The following SLC10A7 variants were observed in gnomAD, a reference collection of about 807,000 sequenced individuals.
SLC10A7 encodes sodium/bile acid cotransporter 7.
In SLC10A7, 29 loss-of-function variants were observed where a neutral mutation model predicts 43.2. That is an observed-to-expected ratio of 0.67 (90% CI 0.50 to 0.92). The LOEUF (loss-of-function observed/expected upper bound fraction) is 0.92, where lower values mean the gene tolerates loss of function less well. Among genes scored for constraint, SLC10A7 ranks in the 40% least tolerant of loss-of-function variants. The pLI is 0.00. For missense variants in SLC10A7, 295 were observed against 403.2 expected (o/e 0.73, Z 2.30); for synonymous variants, 152 against 144.8 (o/e 1.05, Z -0.35).
rs895021286 is a variant in SLC10A7 at position 146,430,293 on chromosome 4, T to C, written c.435+12490A>G. Among the ~76,000 whole-genome samples the C allele has an allele frequency of 2.0e-5, 3 of 152,226 alleles. No homozygotes were observed. The South Asian group carries it at 6.2e-4, about 32-fold the overall frequency. The stretch of plus-strand genomic sequence containing the variant: ...GATAGTGGGTAATTAAGAGCCACTA[T>C]AGACATTAGGGCATAGGAGTGACAC... On this transcript the variant is annotated intron_variant, in intron 5 of 11. Transcript: ENST00000335472.
chr4:146,367,003 T>C (rs1736436631), intron 5 of SLC10A7, among the ~76,000 whole-genome samples: 1 of 150,514 alleles, frequency 6.6e-6, no homozygotes, highest in Non-Finnish European at 1.5e-5. Flanking sequence ...TTTTTTGTTT[T>C]TTTGTTTTTT....
chr4:146,304,938 G>C (rs1731443255), intron 7 of SLC10A7, among the ~76,000 whole-genome samples: 1 of 151,964 alleles, frequency 6.6e-6, no homozygotes, highest in South Asian at 2.1e-4. Flanking sequence ...GTGCTCCTGT[G>C]TTGGGTGCAT....
intron 5 of SLC10A7, among the ~76,000 whole-genome samples, chr4:146,374,750 A>G (rs1293190050): frequency 1.3e-5 from 2 of 152,084 alleles, no homozygotes; most frequent in Non-Finnish European, 2.9e-5. Flanking sequence ...CATTACTTCA[A>G]TACGTGAAAT....
At chr4:146,367,732 T>TGGAC in intron 5 of SLC10A7, among the ~76,000 whole-genome samples, 1 of 152,328 alleles carries the variant, frequency 6.6e-6, no homozygotes, top group African/African-American at 2.4e-5. Context: ...AACTCATTGC[T>TGGAC]TTATCCAACA....
chr4:146,362,017 C>T (rs1173038040), intron 5 of SLC10A7, among the ~76,000 whole-genome samples: 13 of 151,578 alleles, frequency 8.6e-5, no homozygotes, highest in Admixed American at 8.5e-4. Context: ...AGCTTGAAGA[C>T]AGGTATATAA....
chr4:146,298,418 T>A (rs1460006124), intron 7 of SLC10A7, among the ~76,000 whole-genome samples: 1 of 152,160 alleles, frequency 6.6e-6, no homozygotes, highest in Non-Finnish European at 1.5e-5. Flanking sequence ...AACACTAACT[T>A]CAACTTTAAT....
rs1354844826 is a variant in SLC10A7 at position 146,449,685 on chromosome 4, C to CAA, written c.397-6865_397-6864insTT. Among the ~76,000 whole-genome samples, 219 of 152,204 alleles carry CAA rather than the reference C, an allele frequency of 1.4e-3. 3 individuals carry two copies. The highest frequency in any genetic ancestry group is 0.011 in the Admixed American group (173 of 15,286). Reference sequence around the variant, plus strand: ...ACACAAACCACCACCACCACCACCACCACAACAACAACAACAAAAACAGTG... The same window carrying CAA: ...ACACAAACCACCACCACCACCACCACAACACAACAACAACAACAAAAACAGTG... On this transcript the variant is annotated intron_variant, in intron 4 of 11. Coordinates refer to ENST00000335472, the MANE Select transcript of SLC10A7 (RefSeq NM_001029998.6).
At chr4:146,289,777 G>A (rs1320147748) in intron 9 of SLC10A7, among the ~76,000 whole-genome samples, 2 of 142,000 alleles carry the variant, frequency 1.4e-5, no homozygotes, top group South Asian at 2.3e-4. Flanking sequence ...GTGCAGTGGC[G>A]TGATCTCAGC....
intron 4 of SLC10A7, among the ~76,000 whole-genome samples, chr4:146,488,507 A>T (rs1354127717): frequency 6.6e-6 from 1 of 152,212 alleles, no homozygotes; most frequent in Non-Finnish European, 1.5e-5. Flanking sequence ...GGGAAAAAAA[A>T]TGACTAAAAG....
intron 5 of SLC10A7, among the ~76,000 whole-genome samples, chr4:146,378,028 T>C (rs1737329841): frequency 6.6e-6 from 1 of 152,216 alleles, no homozygotes; most frequent in South Asian, 2.1e-4. Context: ...GCACTACTCA[T>C]GCTGTCTCTA....
chr4:146,408,362 C>G lies in SLC10A7; in HGVS notation c.435+34421G>C, dbSNP rs894628816. ...CAGGAGTTTGAGACCACCCTGGGGG[C>G]AACATGGTGAAACTCTGTCTCTACT... On this transcript the variant is annotated intron_variant, in intron 5 of 11. Coordinates refer to ENST00000335472, the MANE Select transcript of SLC10A7 (RefSeq NM_001029998.6). 2.6e-5 allele frequency among the ~76,000 whole-genome samples: 4 copies of G among 151,972 alleles called. No homozygotes were observed. The South Asian group carries it at 8.3e-4, about 32-fold the overall frequency.
At chr4:146,492,042 C>A (rs1025523752) in intron 4 of SLC10A7, among the ~76,000 whole-genome samples, 3 of 151,918 alleles carry the variant, frequency 2.0e-5, no homozygotes, top group African/African-American at 7.3e-5. Flanking sequence ...ATGGTGAAAC[C>A]CCATTTCTAC....
At chr4:146,360,949 G>T (rs754731010) in intron 5 of SLC10A7, among the ~76,000 whole-genome samples, 1 of 151,894 alleles carries the variant, frequency 6.6e-6, no homozygotes, top group Non-Finnish European at 1.5e-5. Flanking sequence ...TTATTCTCTG[G>T]GCTGGGCCTC....
intron 10 of SLC10A7, among the ~76,000 whole-genome samples, chr4:146,273,049 T>A (rs1330165059): frequency 3.3e-5 from 5 of 152,260 alleles, no homozygotes; most frequent in Non-Finnish European, 5.9e-5. Flanking sequence ...TTTAGAGCCA[T>A]CTCTATTATA....
chr4:146,321,883 T>C (rs1373932074), intron 6 of SLC10A7, among the ~76,000 whole-genome samples: 1 of 152,192 alleles, frequency 6.6e-6, no homozygotes, highest in East Asian at 1.9e-4. Context: ...ATAAAATGCA[T>C]GACAACCTAA....
At chr4:146,282,959 A>T (rs955261845) in intron 10 of SLC10A7, among the ~76,000 whole-genome samples, 12 of 152,172 alleles carry the variant, frequency 7.9e-5, no homozygotes, top group African/African-American at 2.9e-4. Context: ...AATTGAAAAT[A>T]TGATTATAAA....
chr4:146,261,702 C>A (rs1461425244), intron 10 of SLC10A7, among the ~76,000 whole-genome samples: 1 of 152,192 alleles, frequency 6.6e-6, no homozygotes, highest in Non-Finnish European at 1.5e-5. Context: ...CCTGCAATAT[C>A]TTCTTGCTAG....
intron 5 of SLC10A7, among the ~76,000 whole-genome samples, chr4:146,371,811 A>T (rs1483692280): frequency 2.0e-5 from 3 of 152,166 alleles, no homozygotes; most frequent in Non-Finnish European, 4.4e-5. Context: ...TATTGCTACT[A>T]TTGTCAGAGC....
chr4:146,359,285 T>C (rs995013337), intron 5 of SLC10A7, among the ~76,000 whole-genome samples: 2 of 152,176 alleles, frequency 1.3e-5, no homozygotes, highest in Admixed American at 1.3e-4. Flanking sequence ...TTGCTGGATA[T>C]CTGACAAAGG....
Sources: gnomAD v4.1 joint callset for allele counts (sites outside exome capture counted in the v4.1 genomes callset) on GRCh38, gnomAD v4.1.1 for gene constraint, MANE v1.5 for transcripts, NCBI Gene and HGNC (gene_info 2026-07-23, HGNC 2026-07-21) for gene names.